MSRA: variants seen among roughly 807,000 people sequenced by gnomAD.
MSRA encodes the protein methionine sulfoxide reductase A.
Under a neutral mutation model 31.3 loss-of-function variants are expected in MSRA, and 54 were observed. That is an observed-to-expected ratio of 1.73 (90% CI 1.39 to 2.17). The LOEUF is 2.17. MSRA is among the 30% of genes most tolerant of loss of function. The pLI is 0.00. For missense variants in MSRA, 507 were observed against 300.9 expected (o/e 1.69, Z -5.07); for synonymous variants, 169 against 116.5 (o/e 1.45, Z -2.90).
Position 10,319,917 on chromosome 8 carries a change from C to G in MSRA, c.471C>G (p.Tyr157Ter). ...MRQGNDHGTQ[Y>*]RSAIYPTSAK... ...AGGGGAACGACCATGGCACTCAGTA[C>G]CGCTCGGCCATCTACCCGACCTCTG... Residue 157 changes from tyrosine (Y) to a stop codon, truncating the protein, a stop_gained, in exon 5 of 6, where the codon TAC becomes TAG. Coordinates refer to ENST00000317173, the MANE Select transcript of MSRA (RefSeq NM_012331.5). LOFTEE classifies it high-confidence loss of function. The G allele has an allele frequency of 1.3e-6, 2 of 1,598,090 alleles. No individual in the cohort carries two copies. The highest frequency in any genetic ancestry group is 8.5e-7 in the Non-Finnish European group (1 of 1,172,662).
intron 1 of MSRA, among the ~76,000 whole-genome samples, chr8:10,173,726 C>A (rs1041446637): frequency 1.3e-5 from 2 of 152,200 alleles, no homozygotes; most frequent in African/African-American, 4.8e-5. Flanking sequence ...AATCTGCAGC[C>A]CCTTCTTTGT....
chr8:10,388,105 T>G (rs1329671668), intron 5 of MSRA, among the ~76,000 whole-genome samples: 1 of 152,192 alleles, frequency 6.6e-6, no homozygotes, highest in Non-Finnish European at 1.5e-5. Flanking sequence ...TATTAACATG[T>G]ACATCTCATA....
At chr8:10,376,307 C>G (rs1031650054) in intron 5 of MSRA, among the ~76,000 whole-genome samples, 2 of 152,226 alleles carry the variant, frequency 1.3e-5, no homozygotes, top group Non-Finnish European at 2.9e-5. Context: ...CAGCCAGGAA[C>G]AGCAAATGCC....
chr8:10,397,108 A>G (rs1275280819), intron 5 of MSRA, among the ~76,000 whole-genome samples: 1 of 152,188 alleles, frequency 6.6e-6, no homozygotes, highest in Non-Finnish European at 1.5e-5. Flanking sequence ...TAGCAACTAT[A>G]TAGGACTCTA....
At chr8:10,292,004 C>T (rs1370301051) in intron 3 of MSRA, among the ~76,000 whole-genome samples, 1 of 152,144 alleles carries the variant, frequency 6.6e-6, no homozygotes, top group African/African-American at 2.4e-5. Flanking sequence ...GCTTAGCAGG[C>T]ATTTGATCAG....
intron 1 of MSRA, among the ~76,000 whole-genome samples, chr8:10,082,014 C>A (rs1360927109): frequency 6.6e-6 from 1 of 152,082 alleles, no homozygotes; most frequent in South Asian, 2.1e-4. Context: ...CTAGACTGGA[C>A]AACAAAGTGA....
At chr8:10,310,764 A>T (rs915631252) in intron 4 of MSRA, among the ~76,000 whole-genome samples, 1 of 152,224 alleles carries the variant, frequency 6.6e-6, no homozygotes, top group Non-Finnish European at 1.5e-5. Context: ...TCGAAGCCTG[A>T]TGTTCTTTCT....
intron 3 of MSRA, among the ~76,000 whole-genome samples, chr8:10,252,561 A>G (rs1257625713): frequency 1.3e-5 from 2 of 152,190 alleles, no homozygotes; most frequent in Non-Finnish European, 2.9e-5. Flanking sequence ...ACTTAGGACT[A>G]AGAAAGGAAG....
At chr8:10,299,581 C>G (rs112732531) in intron 3 of MSRA, among the ~76,000 whole-genome samples, 4 of 151,808 alleles carry the variant, frequency 2.6e-5, no homozygotes, top group African/African-American at 9.7e-5. Flanking sequence ...ATAATAATAA[C>G]CCAGTATAAA....
intron 1 of MSRA, among the ~76,000 whole-genome samples, chr8:10,129,882 C>G (rs1056793376): frequency 2.6e-5 from 4 of 152,114 alleles, no homozygotes; most frequent in African/African-American, 7.2e-5. Context: ...TCTCCTCTCT[C>G]TCTCCGTAAT....
chr8:10,083,851 A>G (rs549740045), intron 1 of MSRA, among the ~76,000 whole-genome samples: 1 of 152,318 alleles, frequency 6.6e-6, no homozygotes, highest in South Asian at 2.1e-4. Context: ...ATTTAAATGT[A>G]TTGCTTAATT....
intron 3 of MSRA, among the ~76,000 whole-genome samples, chr8:10,301,257 C>G (rs546750214): frequency 6.6e-6 from 1 of 152,224 alleles, no homozygotes; most frequent in East Asian, 1.9e-4. Flanking sequence ...AACCTGAAAA[C>G]CCACGTTTGT....
chr8:10,170,286 A>C (rs1805484718), intron 1 of MSRA, among the ~76,000 whole-genome samples: 1 of 152,238 alleles, frequency 6.6e-6, no homozygotes, highest in South Asian at 2.1e-4. Context: ...GGGCCTCGGG[A>C]GATGATTAAG....
chr8:10,275,851 G>T (rs1045338585), intron 3 of MSRA, among the ~76,000 whole-genome samples: 1 of 152,204 alleles, frequency 6.6e-6, no homozygotes, highest in South Asian at 2.1e-4. Flanking sequence ...CACATCTAGG[G>T]TTGGAAATGA....
At chr8:10,301,774 G>T (rs567600748) in intron 4 of MSRA, 136 bp downstream of exon 4, 2 of 721,308 alleles carry the variant, frequency 2.8e-6, no homozygotes, top group South Asian at 4.0e-5. Context: ...ATTTATTGAC[G>T]GAGGAGAGGA....
chr8:10,383,515 G>T (rs1384304997), intron 5 of MSRA, among the ~76,000 whole-genome samples: 2 of 152,112 alleles, frequency 1.3e-5, no homozygotes, highest in Non-Finnish European at 2.9e-5. Flanking sequence ...CAGCAAAATT[G>T]TAGCTCCTTA....
intron 1 of MSRA, among the ~76,000 whole-genome samples, chr8:10,100,239 C>G (rs1198351843): frequency 6.6e-6 from 1 of 152,164 alleles, no homozygotes; most frequent in Non-Finnish European, 1.5e-5. Flanking sequence ...CATCGTCTTT[C>G]TGGGTCTTTG....
chr8:10,295,769 C>G (rs1800505170), intron 3 of MSRA, among the ~76,000 whole-genome samples: 1 of 152,116 alleles, frequency 6.6e-6, no homozygotes, highest in Admixed American at 6.5e-5. Context: ...CAGTGGGAGC[C>G]TTTCCTCCAG....
chr8:10,211,475 GT>G, intron 2 of MSRA, among the ~76,000 whole-genome samples: 1 of 152,254 alleles, frequency 6.6e-6, no homozygotes, highest in African/African-American at 2.4e-5. Flanking sequence ...TCCTACCTGT[GT>G]GTGATGCTGT....
Sources: gnomAD v4.1 joint callset for allele counts (sites outside exome capture counted in the v4.1 genomes callset) on GRCh38, gnomAD v4.1.1 for gene constraint, MANE v1.5 for transcripts, NCBI Gene and HGNC (gene_info 2026-07-23, HGNC 2026-07-21) for gene names.